MRPL58: variants seen among roughly 807,000 people sequenced by gnomAD.
MRPL58 encodes the protein mitochondrial ribosomal protein L58, also known as large ribosomal subunit protein mL62.
A neutral mutation model predicts 26.0 loss-of-function variants in MRPL58; 17 were observed. The observed-to-expected ratio is 0.65, with a 90% CI of 0.45 to 0.98. MRPL58 has a LOEUF of 0.98. MRPL58 is among the 50% of genes least tolerant of loss of function. The pLI, the probability that MRPL58 is intolerant of heterozygous loss-of-function variation, is 0.00. For synonymous variants in MRPL58, 100 were observed against 99.7 expected, an observed-to-expected ratio of 1.00 and a Z score of -0.02; for missense variants, 250 against 269.0, an observed-to-expected ratio of 0.93 and a Z score of 0.49.
At chr17:75,013,636 G>A (rs886978012) in intron 1 of MRPL58, among the ~76,000 whole-genome samples, 1 of 152,196 alleles carries the variant, frequency 6.6e-6, no homozygotes, top group Non-Finnish European at 1.5e-5. Context: ...AGGAAGTAGG[G>A]TTGCAATTTT....
intron 2 of MRPL58, chr17:75,018,608 AAC>A (rs1255954065): frequency 6.6e-6 from 1 of 152,026 alleles, no homozygotes; most frequent in African/African-American, 2.4e-5. Flanking sequence ...ATCTGAAAGG[AAC>A]ACCCTGGATA....
chr17:75,017,932 A>AG (rs1006011575), intron 2 of MRPL58, among the ~76,000 whole-genome samples: 3 of 151,430 alleles, frequency 2.0e-5, no homozygotes, highest in African/African-American at 7.3e-5. Context: ...TCAGACGAAA[A>AG]AAAAAAAATC....
In MRPL58 at chr17:75,012,750, C is replaced by T. The variant is rs2039941040; in HGVS notation, c.64C>T (p.Pro22Ser). 6.3e-7 allele frequency: 1 copy of T among 1,588,314 alleles called. No homozygotes were observed. The highest frequency in any genetic ancestry group is 8.6e-7 in the Non-Finnish European group (1 of 1,169,328). The change falls in exon 1 of 6, where the codon CCC (proline) becomes TCC (serine). Residue 22 changes from proline to serine, a missense_variant. By Grantham distance (74) the Pro-to-Ser change is moderately conservative. Coordinates refer to ENST00000301585, the MANE Select transcript of MRPL58 (RefSeq NM_001545.3). The part of the protein sequence containing the change: ...SRAGVWLLPP[P>S]ARCPRRALHK... ...AGCCGGAGTCTGGCTGCTCCCACCG[C>T]CCGCACGGTGCCCACGCCGGGCGCT...
chr17:75,019,702 C>A lies in MRPL58; in HGVS notation c.226C>A (p.Arg76Ser). ...GTGTACTTTCTTCTGTTTTACAGAT[C>A]GCTTGACAATATCTTATTGTCGGAG... ...KQADSDIPLD[R>S]LTISYCRSSG... is the part of the protein sequence containing the mutation. Residue 76 changes from arginine to serine, a missense_variant and splice_region_variant, in exon 3 of 6, where the codon CGC becomes AGC. Transcript: ENST00000301585. 6.2e-7 allele frequency: 1 copy of A among 1,612,986 alleles called. No individual in the cohort carries two copies. Among genetic ancestry groups the A allele is most frequent in the Non-Finnish European group, 8.5e-7 (1 of 1,179,106 alleles).
In MRPL58 at chr17:75,021,260, C is replaced by T. The variant is rs1210575280; in HGVS notation, c.*255C>T. On this transcript the variant is annotated 3_prime_UTR_variant, in exon 6 of 6. Coordinates refer to ENST00000301585, the MANE Select transcript of MRPL58 (RefSeq NM_001545.3). ...ATTAGTCACAATAAAAATCAGAACT[C>T]ATTAGGCTTCCCTTCTCATTCAGAA... The T allele has an allele frequency of 2.1e-6, 1 of 474,472 alleles. No individual in the cohort carries two copies. The highest frequency in any genetic ancestry group is 1.9e-5 in the African/African-American group (1 of 51,536). The allele number at this position is 474,472 out of a possible 1,614,324, so 29.4% of individuals were successfully genotyped here. A position where few individuals can be genotyped will look rare whatever the true frequency, so the allele number is the denominator to read the frequency against.
Position 75,020,476 on chromosome 17 carries a change from T to C in MRPL58, c.367-12T>C. On this transcript the variant is annotated splice_polypyrimidine_tract_variant and intron_variant, in intron 4 of 5. Coordinates refer to ENST00000301585, the MANE Select transcript of MRPL58 (RefSeq NM_001545.3). ...CTCTGTAGGACTCCAGTTTTTCATT[T>C]GTTCTCTGCAGCATAAAAACAAGAT... The C allele has an allele frequency of 1.9e-6, 3 of 1,613,846 alleles. No individual in the cohort carries two copies. Among genetic ancestry groups the C allele is most frequent in the Non-Finnish European group, 2.5e-6 (3 of 1,179,744 alleles).
At chr17:75,017,858 A>G (rs1380047532) in intron 2 of MRPL58, among the ~76,000 whole-genome samples, 2 of 151,978 alleles carry the variant, frequency 1.3e-5, no homozygotes, top group African/African-American at 4.8e-5. Flanking sequence ...TGGGAAGCAG[A>G]GGTTGTGGTG....
intron 1 of MRPL58, among the ~76,000 whole-genome samples, chr17:75,014,179 C>CTT (rs570042413): frequency 0.056 from 4,283 of 76,944 alleles, 162 homozygotes; most frequent in Non-Finnish European, 0.076. Context: ...AGTCTGGGGC[C>CTT]TTTTTTTTTT....
chr17:75,017,558 G>A (rs1422284412), intron 2 of MRPL58, among the ~76,000 whole-genome samples: 1 of 152,178 alleles, frequency 6.6e-6, no homozygotes, highest in Non-Finnish European at 1.5e-5. Context: ...AGACTAGCCT[G>A]GCCAACATGG....
chr17:75,013,532 G>C (rs1375915708), intron 1 of MRPL58, among the ~76,000 whole-genome samples: 1 of 152,228 alleles, frequency 6.6e-6, no homozygotes, highest in Non-Finnish European at 1.5e-5. Context: ...TTCTAGTGGA[G>C]GGAGACAAGC....
chr17:75,016,542 G>T (rs535150908), intron 1 of MRPL58, among the ~76,000 whole-genome samples: 23 of 152,308 alleles, frequency 1.5e-4, no homozygotes, highest in African/African-American at 5.3e-4. Flanking sequence ...AAGATTTAAG[G>T]CTGAAGGGCG....
intron 2 of MRPL58, among the ~76,000 whole-genome samples, 194 bp downstream of exon 2, chr17:75,017,308 A>G (rs928284904): frequency 7.0e-6 from 1 of 142,858 alleles, no homozygotes. Flanking sequence ...ATTAAAAATT[A>G]AAAAAAAAAA....
rs374805112 is a variant in MRPL58, at chr17:75,012,707, G to C, written c.21G>C (p.Leu7=). The C allele has an allele frequency of 2.6e-6, 4 of 1,562,946 alleles. No homozygotes were observed. The Admixed American group carries it at 5.7e-5, about 22-fold the overall frequency. ...TGAGCATGGCGGCCACCAGGTGCCT[G>C]CGCTGGGGCCTGAGCCGAGCCGGAG... The part of the protein sequence containing the change: MAATRC[L]RWGLSRAGVW... Residue 7 remains leucine, a synonymous_variant, in exon 1 of 6, where the codon CTG becomes CTC. Transcript: ENST00000301585.
chr17:75,017,240 G>A (rs970177056), intron 2 of MRPL58, 126 bp downstream of exon 2: 32 of 726,682 alleles, frequency 4.4e-5, no homozygotes, highest in Non-Finnish European at 7.1e-5. Context: ...GCAGTGGGCC[G>A]AGTTTGTGCC....
chr17:75,021,129 G>A lies in MRPL58; in HGVS notation c.*124G>A. On this transcript the variant is annotated 3_prime_UTR_variant, in exon 6 of 6. Transcript: ENST00000301585. ...CTGTTAATGCTTGTCTATAACATTG[G>A]AGCCATCACAAGAATGTTCATTTGG... 5 of 664,984 alleles carry A rather than the reference G, an allele frequency of 7.5e-6. No homozygotes were observed. The highest frequency in any genetic ancestry group is 1.1e-5 in the Non-Finnish European group (4 of 370,570). The allele number at this position is 664,984 out of a possible 1,614,324, so 41.2% of individuals were successfully genotyped here. A position where few individuals can be genotyped will look rare whatever the true frequency, so the allele number is the denominator to read the frequency against.
In MRPL58 at chr17:75,012,705, C is replaced by G. The variant is rs113361561; in HGVS notation, c.19C>G (p.Leu7Val). MAATRC[L>V]RWGLSRAGVW... ...CCTGAGCATGGCGGCCACCAGGTGC[C>G]TGCGCTGGGGCCTGAGCCGAGCCGG... The change falls in exon 1 of 6, where the codon CTG becomes GTG. Residue 7 changes from leucine to valine, a missense_variant. By Grantham distance (32) the Leu-to-Val change is conservative (BLOSUM62 1). Transcript: ENST00000301585. The G allele has an allele frequency of 6.4e-7, 1 of 1,560,786 alleles. No individual in the cohort carries two copies. Among genetic ancestry groups the G allele is most frequent in the Non-Finnish European group, 8.6e-7 (1 of 1,156,182 alleles).
chr17:75,018,290 G>A (rs558793013), intron 2 of MRPL58, among the ~76,000 whole-genome samples: 7 of 151,250 alleles, frequency 4.6e-5, no homozygotes, highest in African/African-American at 1.7e-4. Flanking sequence ...GGAGTGCAGT[G>A]GCCCGATCTC....
At chr17:75,020,162 G>T in intron 3 of MRPL58, 151 bp from the exon 4 acceptor site, 1 of 651,536 alleles carries the variant, frequency 1.5e-6, no homozygotes, top group Non-Finnish European at 2.7e-6. Context: ...TGTCTTTGCG[G>T]GCTTGTTCAT....
intron 1 of MRPL58, among the ~76,000 whole-genome samples, chr17:75,014,330 C>T (rs1454322033): frequency 2.7e-5 from 4 of 148,190 alleles, no homozygotes; most frequent in Admixed American, 2.7e-4. Flanking sequence ...GGACTACAGG[C>T]GCCCACCACT....
Sources: allele counts gnomAD v4.1 joint callset (sites outside exome capture counted in the v4.1 genomes callset), GRCh38; gene constraint gnomAD v4.1.1; transcripts MANE v1.5; gene names NCBI Gene and HGNC (gene_info 2026-07-23, HGNC 2026-07-21).